Variants in DACH2 observed in about 807,000 individuals in gnomAD.
The protein encoded by DACH2 is dachshund family transcription factor 2.
Under a neutral mutation model 35.8 loss-of-function variants are expected in DACH2, and 17 were observed. The observed-to-expected ratio is 0.48, with a 90% CI of 0.33 to 0.71. The LOEUF is 0.71. DACH2 is among the 30% of genes least tolerant of loss of function. The pLI is 0.02. For synonymous variants in DACH2, 195 were observed against 177.3 expected, an observed-to-expected ratio of 1.10 and a Z score of -0.79; for missense variants, 469 against 472.7, an observed-to-expected ratio of 0.99 and a Z score of 0.07.
chrX:86,327,811 C>A (rs190919628), intron 1 of DACH2, among the ~76,000 whole-genome samples: 1 of 111,625 alleles, frequency 9.0e-6, no homozygotes, highest in African/African-American at 3.3e-5. Flanking sequence ...CAGTGATCTT[C>A]GTGGCATATC....
At chrX:86,815,766 C>T (rs2042444316) in intron 10 of DACH2, among the ~76,000 whole-genome samples, 1 of 107,883 alleles carries the variant, frequency 9.3e-6, no homozygotes, top group African/African-American at 3.4e-5. Context: ...AATGGACAGA[C>T]TATTTTCCTA....
At chrX:86,800,936 C>A (rs2147336172) in intron 7 of DACH2, among the ~76,000 whole-genome samples, 1 of 111,195 alleles carries the variant, frequency 9.0e-6, no homozygotes, top group Non-Finnish European at 1.9e-5. Context: ...GCCCAAAGTG[C>A]TGGGATTACA....
intron 2 of DACH2, among the ~76,000 whole-genome samples, chrX:86,473,856 C>T (rs1428477722): frequency 1.9e-5 from 2 of 106,843 alleles, no homozygotes; most frequent in African/African-American, 6.8e-5. Context: ...TTTGGTTTAC[C>T]GATTTCCTTT....
At chrX:86,295,386 G>C (rs972663556) in intron 1 of DACH2, among the ~76,000 whole-genome samples, 3 of 111,925 alleles carry the variant, frequency 2.7e-5, no homozygotes, top group Non-Finnish European at 3.8e-5. Flanking sequence ...CTTCTGCGTC[G>C]CTCACGCTGG....
At chrX:86,245,309 C>T (rs1458083359) in intron 1 of DACH2, among the ~76,000 whole-genome samples, 1 of 111,688 alleles carries the variant, frequency 9.0e-6, no homozygotes, top group Non-Finnish European at 1.9e-5. Context: ...TTCCCCACCA[C>T]CCTGACACCA....
chrX:86,633,499 T>A (rs1325739096), intron 3 of DACH2, among the ~76,000 whole-genome samples: 1 of 111,555 alleles, frequency 9.0e-6, no homozygotes, highest in Non-Finnish European at 1.9e-5. Flanking sequence ...TGGGACTAGA[T>A]AAATTCACGG....
rs184864524 is a variant in DACH2, at chrX:86,493,287, T to G, written c.528-20992T>G. Among the ~76,000 whole-genome samples the G allele has an allele frequency of 3.2e-3, 357 of 111,679 alleles. 2 individuals carry two copies. Among genetic ancestry groups the G allele is most frequent in the African/African-American group, 0.011 (345 of 30,774 alleles). On this transcript the variant is annotated intron_variant, in intron 2 of 11. Coordinates refer to ENST00000373125, the MANE Select transcript of DACH2 (RefSeq NM_053281.3). ...TGAATCATGAACAGTACTTTTTCAC[T>G]ATACCACCATTTGTGGTTCAATACT...
chrX:86,179,938 T>G (rs1341851705), intron 1 of DACH2, among the ~76,000 whole-genome samples: 1 of 108,639 alleles, frequency 9.2e-6, no homozygotes, highest in African/African-American at 3.3e-5. Context: ...GGATTCAGGA[T>G]TCAGTTCCAA....
At position 86,705,063 on chromosome X, in the gene DACH2, A is replaced by C. The variant is rs5968973; in HGVS notation, c.932-9485A>C. 9.1e-4 allele frequency among the ~76,000 whole-genome samples: 95 copies of C among 104,572 alleles called. 1 individual carries two copies. The highest frequency in any genetic ancestry group is 2.1e-3 in the East Asian group (7 of 3,288). The allele number at this position is 104,572 out of a possible 115,157, so 90.8% of individuals were successfully genotyped here. On this transcript the variant is annotated intron_variant, in intron 5 of 11. Transcript: ENST00000373125. Reference sequence around the variant, plus strand: ...ATATATATCTCACATATATATATATATATCTCACATATATATGTGAGATAT... The same window carrying C: ...ATATATATCTCACATATATATATATCTATCTCACATATATATGTGAGATAT...
At chrX:86,827,912 C>A in intron 11 of DACH2, 1 of 719,516 alleles carries the variant, frequency 1.4e-6, no homozygotes, top group South Asian at 2.8e-5. Flanking sequence ...TTGTTCATTA[C>A]TGATAAATAG....
At chrX:86,355,207 C>T (rs1332170027) in intron 1 of DACH2, among the ~76,000 whole-genome samples, 1 of 112,278 alleles carries the variant, frequency 8.9e-6, no homozygotes, top group Non-Finnish European at 1.9e-5. Context: ...GCCTCCAGCT[C>T]CATCCATCTT....
At chrX:86,414,860 C>T (rs2036675809) in intron 2 of DACH2, among the ~76,000 whole-genome samples, 1 of 111,670 alleles carries the variant, frequency 9.0e-6, no homozygotes, top group Admixed American at 9.5e-5. Flanking sequence ...TTCATAAATT[C>T]TGCTCCTCTT....
At position 86,354,779 on chromosome X, in the gene DACH2, C is replaced by T. The variant is rs1377947131; in HGVS notation, c.489-22045C>T. Among the ~76,000 whole-genome samples, 2 of 51,742 alleles carry T rather than the reference C, an allele frequency of 3.9e-5. 1 individual carries two copies. The highest frequency in any genetic ancestry group is 6.6e-5 in the Non-Finnish European group (2 of 30,339). 44.9% of individuals were successfully genotyped at this position (51,742 alleles called of 115,157 possible). On this transcript the variant is annotated intron_variant, in intron 1 of 11. Transcript: ENST00000373125. ...GCACATGTATACATATGTAACTAACCTGCACAATGTGCACATGTACCCTAA... is the reference window on the plus strand; with the variant it reads ...GCACATGTATACATATGTAACTAACTTGCACAATGTGCACATGTACCCTAA...
intron 7 of DACH2, among the ~76,000 whole-genome samples, chrX:86,775,549 G>A (rs939071253): frequency 9.0e-6 from 1 of 111,622 alleles, no homozygotes; most frequent in Admixed American, 9.5e-5. Context: ...ACTGTCAGTG[G>A]GAAAATTGTC....
chrX:86,459,647 T>C (rs776698314), intron 2 of DACH2, among the ~76,000 whole-genome samples: 1 of 111,643 alleles, frequency 9.0e-6, no homozygotes, highest in South Asian at 3.7e-4. Context: ...TTATTTTTAC[T>C]TAAGGGATGA....
intron 2 of DACH2, among the ~76,000 whole-genome samples, chrX:86,415,025 G>C (rs1427637416): frequency 9.0e-6 from 1 of 111,663 alleles, no homozygotes; most frequent in Non-Finnish European, 1.9e-5. Context: ...TTGACACTCA[G>C]TATTAAGCGT....
intron 1 of DACH2, among the ~76,000 whole-genome samples, chrX:86,156,422 G>T (rs2030547685): frequency 9.0e-6 from 1 of 111,269 alleles, no homozygotes; most frequent in Non-Finnish European, 1.9e-5. Flanking sequence ...TTAACAAAAG[G>T]TAAGAAATAG....
Position 86,499,946 on chromosome X carries a change from C to A in DACH2, c.528-14333C>A, listed in dbSNP as rs186309163. On this transcript the variant is annotated intron_variant, in intron 2 of 11. Transcript: ENST00000373125. ...GTGGTGTGAATACTGCCGCCATGACCAATTTCAAGCTACCAACATGAGGTC... is the reference window on the plus strand; with the variant it reads ...GTGGTGTGAATACTGCCGCCATGACAAATTTCAAGCTACCAACATGAGGTC... Among the ~76,000 whole-genome samples the A allele has an allele frequency of 3.0e-3, 336 of 111,204 alleles. 4 individuals carry two copies. Among genetic ancestry groups the A allele is most frequent in the African/African-American group, 0.01 (318 of 30,589 alleles).
intron 2 of DACH2, among the ~76,000 whole-genome samples, chrX:86,461,981 A>T (rs1163850894): frequency 1.8e-5 from 2 of 111,337 alleles, no homozygotes; most frequent in Admixed American, 1.9e-4. Flanking sequence ...CTTAGCAAGA[A>T]GATAATTGTT....
Sources: gnomAD v4.1 joint callset for allele counts (sites outside exome capture counted in the v4.1 genomes callset) on GRCh38, gnomAD v4.1.1 for gene constraint, MANE v1.5 for transcripts, NCBI Gene and HGNC (gene_info 2026-07-23, HGNC 2026-07-21) for gene names.